The following SGCG variants were observed in gnomAD, a reference collection of about 807,000 sequenced individuals.
SGCG encodes sarcoglycan gamma, also known as gamma-sarcoglycan.
In SGCG, 26 loss-of-function variants were observed where a neutral mutation model predicts 29.3. The observed-to-expected ratio is 0.89, with a 90% CI of 0.65 to 1.23. The LOEUF is 1.23. Ranked by LOEUF, SGCG falls within the 50% of genes most tolerant of loss-of-function variation. SGCG has a pLI of 0.00. For synonymous variants in SGCG, 145 were observed against 129.7 expected (o/e 1.12, Z -0.80); for missense variants, 353 against 356.0 (o/e 0.99, Z 0.07).
chr13:23,180,329 A>G (rs185835543), upstream of SGCG, among the ~76,000 whole-genome samples: 163 of 118,508 alleles, frequency 1.4e-3, 2 homozygotes, highest in African/African-American at 5.4e-3. Flanking sequence ...TTACATTCAC[A>G]TAATTTGTTA....
intron 2 of SGCG, among the ~76,000 whole-genome samples, chr13:23,225,807 A>ACC (rs1555237089): frequency 6.9e-6 from 1 of 144,910 alleles, no homozygotes; most frequent in Non-Finnish European, 1.5e-5. Context: ...ACACACACAC[A>ACC]CCCCTACATA....
chr13:23,235,436 A>T (rs550452213), intron 3 of SGCG, among the ~76,000 whole-genome samples: 1 of 152,344 alleles, frequency 6.6e-6, no homozygotes, highest in Non-Finnish European at 1.5e-5. Context: ...TATTATACTA[A>T]TTACAGATTA....
At chr13:23,179,413 T>A (rs1040676649), upstream of SGCG, among the ~76,000 whole-genome samples, 1 of 152,314 alleles carries the variant, frequency 6.6e-6, no homozygotes, top group Admixed American at 6.5e-5. Flanking sequence ...CACTGAAAAG[T>A]TCATTGCAAC....
intron 2 of SGCG, among the ~76,000 whole-genome samples, chr13:23,214,679 AT>A (rs1357769065): frequency 6.6e-6 from 1 of 151,974 alleles, no homozygotes; most frequent in Non-Finnish European, 1.5e-5. Context: ...CTGCCATTTG[AT>A]TTTCAGCAGT....
chr13:23,253,082 G>A (rs1880039477), intron 4 of SGCG, among the ~76,000 whole-genome samples: 1 of 151,464 alleles, frequency 6.6e-6, no homozygotes, highest in African/African-American at 2.4e-5. Context: ...GTTTTGTTTA[G>A]TTTTTCTTTT....
chr13:23,299,411 TATATATATA>T (rs1882034377), intron 6 of SGCG, among the ~76,000 whole-genome samples: 7 of 32,878 alleles, frequency 2.1e-4, no homozygotes, highest in East Asian at 1.6e-3. Context: ...AGTTGGCATA[TATATATATA>T]TATATATATA....
intron 2 of SGCG, among the ~76,000 whole-genome samples, chr13:23,226,724 G>A (rs1878912516): frequency 6.6e-6 from 1 of 152,182 alleles, no homozygotes; most frequent in African/African-American, 2.4e-5. Context: ...GAGACAGAAA[G>A]TAGAATGTTG....
At chr13:23,320,507 C>G in intron 6 of SGCG, 130 bp from the exon 7 acceptor site, 2 of 755,314 alleles carry the variant, frequency 2.6e-6, no homozygotes, top group Non-Finnish European at 4.4e-6. Context: ...CAATATGTTA[C>G]CATTTGAGAA....
intron 2 of SGCG, among the ~76,000 whole-genome samples, chr13:23,224,106 G>A (rs533522968): frequency 1.3e-5 from 2 of 152,346 alleles, no homozygotes; most frequent in South Asian, 4.1e-4. Context: ...TGGAACAGTA[G>A]GAAGCCTGCA....
At chr13:23,317,093 G>A (rs1345585746) in intron 6 of SGCG, among the ~76,000 whole-genome samples, 1 of 152,116 alleles carries the variant, frequency 6.6e-6, no homozygotes, top group Non-Finnish European at 1.5e-5. Flanking sequence ...TACTTGGGAG[G>A]CTGAGGCAGG....
intron 6 of SGCG, among the ~76,000 whole-genome samples, chr13:23,313,596 C>T (rs1650376582): frequency 6.6e-6 from 1 of 152,142 alleles, no homozygotes; most frequent in African/African-American, 2.4e-5. Flanking sequence ...TTACTGACTT[C>T]TATTTATTTT....
chr13:23,238,406 C>T (rs1879388604), intron 3 of SGCG, among the ~76,000 whole-genome samples: 1 of 152,134 alleles, frequency 6.6e-6, no homozygotes, highest in Non-Finnish European at 1.5e-5. Context: ...TACCTTGAGA[C>T]TAGTGAAATA....
chr13:23,182,310 C>T (rs574086893), intron 1 of SGCG, among the ~76,000 whole-genome samples: 4 of 152,150 alleles, frequency 2.6e-5, no homozygotes, highest in Non-Finnish European at 5.9e-5. Context: ...TAATCTGTGG[C>T]TCATCACAGC....
At chr13:23,296,508 T>A (rs1220346122) in intron 6 of SGCG, among the ~76,000 whole-genome samples, 6 of 152,196 alleles carry the variant, frequency 3.9e-5, no homozygotes, top group African/African-American at 1.4e-4. Flanking sequence ...TACTTCGTGG[T>A]CATTACCACC....
chr13:23,261,725 T>A lies in SGCG; in HGVS notation c.385+11008T>A, dbSNP rs189909204. Among the ~76,000 whole-genome samples the A allele has an allele frequency of 5.8e-3, 888 of 151,948 alleles. 11 individuals are homozygous for A. Among genetic ancestry groups the A allele is most frequent in the African/African-American group, 0.02 (837 of 41,514 alleles). On this transcript the variant is annotated intron_variant, in intron 4 of 7. Coordinates refer to ENST00000218867, the MANE Select transcript of SGCG (RefSeq NM_000231.3). ...TAGTCATCAAGCTATCTGAAGTCAA[T>A]GTGAAGGAAAACATTCTAAGTGCAG...
intron 3 of SGCG, chr13:23,247,088 G>T: frequency 5.9e-6 from 1 of 168,928 alleles, no homozygotes; most frequent in African/African-American, 2.4e-5. Flanking sequence ...GCCTGGCCCT[G>T]CATACGGTGC....
intron 1 of SGCG, among the ~76,000 whole-genome samples, chr13:23,189,366 G>C (rs565451582): frequency 1.1e-4 from 16 of 152,276 alleles, no homozygotes; most frequent in Admixed American, 6.5e-4. Flanking sequence ...TAGTAGAGAT[G>C]GGGCTTCACT....
chr13:23,312,489 C>T (rs1882639611), intron 6 of SGCG, among the ~76,000 whole-genome samples: 1 of 152,204 alleles, frequency 6.6e-6, no homozygotes, highest in East Asian at 1.9e-4. Flanking sequence ...ATTTTAATAA[C>T]TGTACTTCTA....
At chr13:23,189,023 T>C (rs12874769) in intron 1 of SGCG, among the ~76,000 whole-genome samples, 26,581 of 152,202 alleles carry the variant, frequency 0.17, 2,972 homozygotes, top group Admixed American at 0.31. Context: ...CCTTTTGTTC[T>C]TCAAGAGAGG....
Sources: gnomAD v4.1 joint callset for allele counts (sites outside exome capture counted in the v4.1 genomes callset) on GRCh38, gnomAD v4.1.1 for gene constraint, MANE v1.5 for transcripts, NCBI Gene and HGNC (gene_info 2026-07-23, HGNC 2026-07-21) for gene names.